PLEKHA2: variants seen among roughly 807,000 people sequenced by gnomAD.
PLEKHA2 encodes pleckstrin homology domain containing A2, also known as pleckstrin homology domain-containing family A member 2.
In PLEKHA2, 28 loss-of-function variants were observed where a neutral mutation model predicts 53.2. The ratio of observed to expected loss-of-function variants is 0.53; its 90% CI spans 0.39 to 0.72. The LOEUF is 0.72. PLEKHA2 is among the 30% of genes least tolerant of loss of function. PLEKHA2 has a pLI of 0.00. For synonymous variants in PLEKHA2, 193 were observed against 196.4 expected (o/e 0.98, Z 0.14); for missense variants, 426 against 537.9 (o/e 0.79, Z 2.06).
At chr8:38,938,867 A>G (rs1834546091) in intron 3 of PLEKHA2, among the ~76,000 whole-genome samples, 1 of 151,324 alleles carries the variant, frequency 6.6e-6, no homozygotes, top group South Asian at 2.1e-4. Context: ...CGTCTCCATG[A>G]TAAGTTAGAT....
chr8:38,905,780 G>C (rs1833863198), intron 1 of PLEKHA2, among the ~76,000 whole-genome samples: 1 of 151,358 alleles, frequency 6.6e-6, no homozygotes, highest in South Asian at 2.1e-4. Flanking sequence ...CACCTCACAG[G>C]TTCAAGCAAT....
chr8:38,902,491 C>T (rs1833805984), intron 1 of PLEKHA2, among the ~76,000 whole-genome samples: 1 of 152,150 alleles, frequency 6.6e-6, no homozygotes, highest in African/African-American at 2.4e-5. Flanking sequence ...CAGTAAACGG[C>T]AGAGAAGAGG....
At chr8:38,901,688 T>A in intron 1 of PLEKHA2, 1 of 144,290 alleles carries the variant, frequency 6.9e-6, no homozygotes, top group South Asian at 2.4e-4. Context: ...CTCCTCCAAG[T>A]GCCCCGGGTG....
At chr8:38,957,153 A>T (rs1261905133) in intron 9 of PLEKHA2, among the ~76,000 whole-genome samples, 170 bp from the exon 10 acceptor site, 1 of 152,144 alleles carries the variant, frequency 6.6e-6, no homozygotes. Context: ...ATGAAGCTAG[A>T]GGAAACCCCT....
At chr8:38,954,897 G>A (rs1410447355) in intron 9 of PLEKHA2, among the ~76,000 whole-genome samples, 1 of 152,090 alleles carries the variant, frequency 6.6e-6, no homozygotes, top group African/African-American at 2.4e-5. Context: ...AGCCGGGCAT[G>A]GTGGTGGGTG....
rs532562431 is a variant in PLEKHA2 at position 38,958,500 on chromosome 8, T to A, written c.837+1114T>A. Among the ~76,000 whole-genome samples the A allele has an allele frequency of 2.4e-4, 37 of 152,184 alleles. 1 individual carries two copies. Among genetic ancestry groups the A allele is most frequent in the Non-Finnish European group, 4.7e-4 (32 of 68,030 alleles). On this transcript the variant is annotated intron_variant, in intron 10 of 11. Coordinates refer to ENST00000617275, the MANE Select transcript of PLEKHA2 (RefSeq NM_021623.2). ...CCAAGGAGCTGGTCCGCTTTCCCAT[T>A]TCTTGGGCAGCAATTCCTGTCACAA...
At chr8:38,914,888 A>T (rs774153560) in intron 1 of PLEKHA2, among the ~76,000 whole-genome samples, 2 of 152,058 alleles carry the variant, frequency 1.3e-5, no homozygotes, top group Non-Finnish European at 2.9e-5. Context: ...GGAGTCGGGG[A>T]TAGTGCTCAC....
chr8:38,910,597 A>C (rs939921092), intron 1 of PLEKHA2, among the ~76,000 whole-genome samples: 3 of 152,250 alleles, frequency 2.0e-5, no homozygotes, highest in Non-Finnish European at 4.4e-5. Context: ...GCTGGTTGCA[A>C]CATAGATAAC....
At chr8:38,923,519 T>C (rs1009169592) in intron 2 of PLEKHA2, among the ~76,000 whole-genome samples, 19 of 152,138 alleles carry the variant, frequency 1.2e-4, no homozygotes, top group African/African-American at 4.6e-4. Flanking sequence ...TAGGTGATCC[T>C]TACGTGCCTT....
intron 5 of PLEKHA2, chr8:38,950,538 A>C (rs1297505011): frequency 1.3e-5 from 3 of 236,874 alleles, no homozygotes; most frequent in Non-Finnish European, 2.5e-5. Context: ...CTAGCATGTA[A>C]GTGCCGTGAA....
At chr8:38,940,699 A>G (rs1045821266) in intron 3 of PLEKHA2, among the ~76,000 whole-genome samples, 8 of 145,370 alleles carry the variant, frequency 5.5e-5, no homozygotes, top group East Asian at 2.1e-4. Flanking sequence ...AGGGGCCTGG[A>G]CTATTGTGTT....
intron 2 of PLEKHA2, among the ~76,000 whole-genome samples, chr8:38,931,565 T>A (rs1475896979): frequency 6.6e-6 from 1 of 152,204 alleles, no homozygotes; most frequent in Non-Finnish European, 1.5e-5. Flanking sequence ...ACCCCCAAGT[T>A]GGAACCTGGG....
intron 1 of PLEKHA2, among the ~76,000 whole-genome samples, chr8:38,906,797 A>G (rs954948066): frequency 1.3e-5 from 2 of 152,216 alleles, no homozygotes; most frequent in Non-Finnish European, 2.9e-5. Context: ...CTGGGTTTGT[A>G]CATTGCGAAG....
In PLEKHA2 at chr8:38,952,721, CTGCCCTTCTGA is replaced by C. The variant is rs1458801583; in HGVS notation, c.702+18_702+28del. Reference sequence around the variant, plus strand: ...TGTGAGCAGGTTTGTAGTAGCTTTGCTGCCCTTCTGAGAGGTCATGGAAACTAAGAGGTGCA... The same window carrying C: ...TGTGAGCAGGTTTGTAGTAGCTTTGCGAGGTCATGGAAACTAAGAGGTGCA... On this transcript the variant is annotated intron_variant, in intron 8 of 11. Transcript: ENST00000617275. 3 of 1,608,072 alleles carry C rather than the reference CTGCCCTTCTGA, an allele frequency of 1.9e-6. No homozygotes were observed. Among genetic ancestry groups the C allele is most frequent in the Non-Finnish European group, 1.7e-6 (2 of 1,176,402 alleles).
At chr8:38,958,382 A>G (rs1305113513) in intron 10 of PLEKHA2, among the ~76,000 whole-genome samples, 4 of 152,136 alleles carry the variant, frequency 2.6e-5, no homozygotes, top group Non-Finnish European at 4.4e-5. Context: ...AGGTTGGTTT[A>G]AAGGTGTGGT....
At chr8:38,955,114 A>C (rs1834915033) in intron 9 of PLEKHA2, among the ~76,000 whole-genome samples, 1 of 152,152 alleles carries the variant, frequency 6.6e-6, no homozygotes, top group Non-Finnish European at 1.5e-5. Context: ...GGTTGCATGG[A>C]AAAGTTCTTC....
chr8:38,901,729 G>T (rs1833788352), intron 1 of PLEKHA2: 1 of 152,000 alleles, frequency 6.6e-6, no homozygotes. Flanking sequence ...GGGTCGGGCT[G>T]CGGGGGGTGG....
At position 38,918,014 on chromosome 8, in the gene PLEKHA2, T is replaced by C. The variant is rs1381318658; in HGVS notation, c.85T>C (p.Tyr29His). 1 of 1,613,344 alleles carries C rather than the reference T, an allele frequency of 6.2e-7. No individual in the cohort carries two copies. The highest frequency in any genetic ancestry group is 8.5e-7 in the Non-Finnish European group (1 of 1,179,632). Residue 29 changes from tyrosine to histidine, a missense_variant, in exon 2 of 12, where the codon TAC becomes CAC. Transcript: ENST00000617275. ...HENSGKFLRR[Y>H]FILDTQANCL... is the part of the protein sequence containing the mutation. ...GAACAGCGGCAAGTTTCTGCGGAGG[T>C]ACTTCATTCTGGACACCCAGGCTAA...
At chr8:38,926,355 A>G (rs1186183749) in intron 2 of PLEKHA2, among the ~76,000 whole-genome samples, 3 of 151,660 alleles carry the variant, frequency 2.0e-5, no homozygotes, top group Non-Finnish European at 2.9e-5. Flanking sequence ...AAATTTTGCT[A>G]AGGGTAAAAA....
Sources: allele counts gnomAD v4.1 joint callset (sites outside exome capture counted in the v4.1 genomes callset), GRCh38; gene constraint gnomAD v4.1.1; transcripts MANE v1.5; gene names NCBI Gene and HGNC (gene_info 2026-07-23, HGNC 2026-07-21).